The following CCDC88C variants were observed in gnomAD, a reference collection of about 807,000 sequenced individuals.
CCDC88C encodes protein Daple.
A neutral mutation model predicts 198.8 loss-of-function variants in CCDC88C; 131 were observed. The ratio of observed to expected loss-of-function variants is 0.66; its 90% CI spans 0.57 to 0.76. The LOEUF is 0.76. Ranked by LOEUF, CCDC88C falls within the 30% of genes least tolerant of loss-of-function variation. The pLI is 0.00. For missense variants in CCDC88C, 2,553 were observed against 2,631.6 expected, an observed-to-expected ratio of 0.97 and a Z score of 0.65; for synonymous variants, 1,166 against 1,114.7, an observed-to-expected ratio of 1.05 and a Z score of -0.92.
At chr14:91,299,595 G>A (rs540173548) in intron 21 of CCDC88C, among the ~76,000 whole-genome samples, 1 of 152,338 alleles carries the variant, frequency 6.6e-6, no homozygotes, top group Admixed American at 6.5e-5. Context: ...TGAATCATGA[G>A]CAATCTGCAG....
intron 21 of CCDC88C, among the ~76,000 whole-genome samples, chr14:91,298,096 G>C (rs1891095221): frequency 6.6e-6 from 1 of 152,132 alleles, no homozygotes; most frequent in South Asian, 2.1e-4. Flanking sequence ...ACTTGATTTG[G>C]ACATAGACGT....
chr14:91,301,403 C>T (rs756859752), intron 20 of CCDC88C, among the ~76,000 whole-genome samples: 1 of 152,236 alleles, frequency 6.6e-6, no homozygotes, highest in Non-Finnish European at 1.5e-5. Flanking sequence ...AAAACCTTTG[C>T]TCTCTGAATG....
chr14:91,355,285 A>G (rs1180972397), intron 4 of CCDC88C, among the ~76,000 whole-genome samples: 2 of 152,150 alleles, frequency 1.3e-5, no homozygotes, highest in African/African-American at 2.4e-5. Flanking sequence ...AGAGGGAAGG[A>G]TAAGGATGGC....
At position 91,297,381 on chromosome 14, in the gene CCDC88C, T is replaced by G. The variant is rs1290225236; in HGVS notation, c.3890A>C (p.Gln1297Pro). 1.2e-6 allele frequency: 2 copies of G among 1,613,320 alleles called. No homozygotes were observed. Among genetic ancestry groups the G allele is most frequent in the African/African-American group, 2.7e-5 (2 of 74,930 alleles). Residue 1297 changes from glutamine to proline, a missense_variant, in exon 22 of 30, where the codon CAG (glutamine) becomes CCG (proline). Gln to Pro is a moderately conservative substitution (Grantham distance 76). Transcript: ENST00000389857. ...NNAQLELNRWQARFDELKEQH... is the reference protein window; with the variant it reads ...NNAQLELNRWPARFDELKEQH... The stretch of plus-strand genomic sequence containing the variant: ...CTCCTTCAGCTCGTCGAAGCGGGCC[T>G]GCCAGCGGTTGAGCTCCAGCTGCGC...
At chr14:91,384,710 C>T (rs552639140) in intron 3 of CCDC88C, among the ~76,000 whole-genome samples, 2 of 152,322 alleles carry the variant, frequency 1.3e-5, no homozygotes, top group South Asian at 2.1e-4. Flanking sequence ...CGTGCGGCTG[C>T]TCTATGGTGC....
chr14:91,394,832 C>G (rs144508217), intron 3 of CCDC88C, among the ~76,000 whole-genome samples: 127 of 152,296 alleles, frequency 8.3e-4, no homozygotes, highest in Non-Finnish European at 1.2e-3. Context: ...CAAGATTAAT[C>G]CAAATGAATC....
rs564100977 is a variant in CCDC88C at position 91,390,913 on chromosome 14, G to A, written c.270+17746C>T. Among the ~76,000 whole-genome samples, 245 of 152,242 alleles carry A rather than the reference G, an allele frequency of 1.6e-3. 1 individual carries two copies. Among genetic ancestry groups the A allele is most frequent in the African/African-American group, 5.8e-3 (239 of 41,544 alleles). On this transcript the variant is annotated intron_variant, in intron 3 of 29. Transcript: ENST00000389857. ...AGGCTCACCACTTCCTTGTTTTAAG[G>A]TCTTGGGCTCTGGGACAAGGTTCCC... is the stretch of plus-strand genomic sequence containing the variant.
intron 4 of CCDC88C, among the ~76,000 whole-genome samples, chr14:91,345,806 G>A (rs567046491): frequency 2.0e-5 from 3 of 151,984 alleles, no homozygotes; most frequent in Non-Finnish European, 4.4e-5. Flanking sequence ...GAACACCTGC[G>A]CCTAGACGAT....
At chr14:91,318,403 A>G (rs973659533) in intron 13 of CCDC88C, among the ~76,000 whole-genome samples, 27 of 152,122 alleles carry the variant, frequency 1.8e-4, no homozygotes, top group African/African-American at 6.5e-4. Flanking sequence ...ATGACAGAGC[A>G]AGACCCTGTC....
At chr14:91,349,243 G>GA (rs1344219862) in intron 4 of CCDC88C, among the ~76,000 whole-genome samples, 1 of 152,172 alleles carries the variant, frequency 6.6e-6, no homozygotes. Context: ...GGGAACCCGG[G>GA]AAAGGAACTT....
chr14:91,401,275 TTA>T (rs1476160452), intron 3 of CCDC88C, among the ~76,000 whole-genome samples: 6 of 144,240 alleles, frequency 4.2e-5, no homozygotes, highest in African/African-American at 1.5e-4. Flanking sequence ...ATTATATATA[TTA>T]TATATTATAT....
chr14:91,291,202 G>A, intron 23 of CCDC88C, 118 bp from the exon 24 acceptor site: 1 of 653,114 alleles, frequency 1.5e-6, no homozygotes, highest in Non-Finnish European at 2.7e-6. Flanking sequence ...CCAGGATTGA[G>A]ATGAGGGTGC....
intron 3 of CCDC88C, among the ~76,000 whole-genome samples, chr14:91,369,981 T>C (rs1255435126): frequency 6.6e-6 from 1 of 152,230 alleles, no homozygotes; most frequent in African/African-American, 2.4e-5. Context: ...CCTGTCCTTG[T>C]GGCTGCATTC....
chr14:91,297,405 G>A lies in CCDC88C; in HGVS notation c.3866C>T (p.Ala1289Val), dbSNP rs768460973. 1.3e-5 allele frequency: 21 copies of A among 1,611,330 alleles called. No homozygotes were observed. The highest frequency in any genetic ancestry group is 8.9e-5 in the East Asian group (4 of 44,834). ...TKELKTSLNN[A>V]QLELNRWQAR... ...CTGCCAGCGGTTGAGCTCCAGCTGC[G>A]CGTTGTTCAGTGAGGTTTTCAGCTC... Residue 1289 changes from alanine to valine, a missense_variant, in exon 22 of 30, where the codon GCG (alanine) becomes GTG (valine). Ala to Val is a moderately conservative substitution (Grantham distance 64). Coordinates refer to ENST00000389857, the MANE Select transcript of CCDC88C (RefSeq NM_001080414.4).
At chr14:91,387,454 C>T (rs1168814024) in intron 3 of CCDC88C, among the ~76,000 whole-genome samples, 1 of 152,170 alleles carries the variant, frequency 6.6e-6, no homozygotes, top group Non-Finnish European at 1.5e-5. Context: ...GAACCACACA[C>T]GATATAGACA....
At chr14:91,354,858 G>GA (rs1212182342) in intron 4 of CCDC88C, among the ~76,000 whole-genome samples, 6 of 152,312 alleles carry the variant, frequency 3.9e-5, no homozygotes, top group Non-Finnish European at 8.8e-5. Flanking sequence ...CCACAGAGGG[G>GA]AAAAAATAAG....
chr14:91,296,361 G>T (rs937972802), intron 22 of CCDC88C, among the ~76,000 whole-genome samples: 1 of 152,254 alleles, frequency 6.6e-6, no homozygotes, highest in African/African-American at 2.4e-5. Context: ...GCTCTTGCCA[G>T]TCCTTCACTT....
intron 18 of CCDC88C, among the ~76,000 whole-genome samples, chr14:91,306,188 T>C (rs1021147998): frequency 1.3e-5 from 2 of 152,224 alleles, no homozygotes; most frequent in Non-Finnish European, 2.9e-5. Flanking sequence ...TAAAGCTGCT[T>C]CCTTTGTCTC....
chr14:91,335,558 G>A (rs1010233492), intron 10 of CCDC88C, among the ~76,000 whole-genome samples: 1 of 152,102 alleles, frequency 6.6e-6, no homozygotes, highest in Admixed American at 6.5e-5. Context: ...TTTGGGTGAG[G>A]CGCCCTCCTC....
Sources: allele counts gnomAD v4.1 joint callset (sites outside exome capture counted in the v4.1 genomes callset), GRCh38; gene constraint gnomAD v4.1.1; transcripts MANE v1.5; gene names NCBI Gene and HGNC (gene_info 2026-07-23, HGNC 2026-07-21).